CNTNAP2: variants seen among roughly 807,000 people sequenced by gnomAD.
CNTNAP2 encodes contactin associated protein 2.
CNTNAP2 carries 98 observed loss-of-function variants against 155.2 expected under a neutral mutation model. The ratio of observed to expected loss-of-function variants is 0.63; its 90% CI spans 0.54 to 0.75. CNTNAP2 has a LOEUF of 0.75. CNTNAP2 is among the 30% of genes least tolerant of loss of function. The pLI is 0.00. For synonymous variants in CNTNAP2, 651 were observed against 631.2 expected (o/e 1.03, Z -0.47); for missense variants, 1,727 against 1,688.1 (o/e 1.02, Z -0.40).
At chr7:146,778,121 C>T (rs1454816593) in intron 2 of CNTNAP2, among the ~76,000 whole-genome samples, 1 of 151,998 alleles carries the variant, frequency 6.6e-6, no homozygotes, top group Non-Finnish European at 1.5e-5. Context: ...AGAATGTAAC[C>T]TACTAATTAT....
intron 8 of CNTNAP2, among the ~76,000 whole-genome samples, chr7:147,283,456 A>G (rs1228194817): frequency 6.6e-6 from 1 of 151,850 alleles, no homozygotes; most frequent in African/African-American, 2.4e-5. Flanking sequence ...AACCAACTTT[A>G]AGCAATACGC....
chr7:148,260,803 A>G (rs1796545358), intron 20 of CNTNAP2, among the ~76,000 whole-genome samples: 1 of 152,184 alleles, frequency 6.6e-6, no homozygotes, highest in Non-Finnish European at 1.5e-5. Context: ...TTGACGTAGG[A>G]GAGACTAACA....
chr7:146,927,971 T>C (rs906667576), intron 3 of CNTNAP2, among the ~76,000 whole-genome samples: 1 of 149,178 alleles, frequency 6.7e-6, no homozygotes, highest in African/African-American at 2.4e-5. Flanking sequence ...TATATATATA[T>C]ATATATAAAT....
At chr7:146,863,482 C>T (rs1795144518) in intron 3 of CNTNAP2, among the ~76,000 whole-genome samples, 1 of 151,924 alleles carries the variant, frequency 6.6e-6, no homozygotes, top group South Asian at 2.1e-4. Flanking sequence ...ATGGTATTTC[C>T]ACAGTTAACT....
intron 3 of CNTNAP2, among the ~76,000 whole-genome samples, chr7:146,847,960 T>C (rs1794791042): frequency 6.6e-6 from 1 of 152,194 alleles, no homozygotes; most frequent in African/African-American, 2.4e-5. Context: ...AAATAACCCA[T>C]TTTTGTCTAC....
At position 146,588,187 on chromosome 7, in the gene CNTNAP2, AATTT is replaced by A. The variant is rs1191858722; in HGVS notation, c.98-186080_98-186077del. Among the ~76,000 whole-genome samples, 11 of 152,174 alleles carry A rather than the reference AATTT, an allele frequency of 7.2e-5. No homozygotes were observed. In the South Asian group the frequency reaches 2.3e-3, roughly 32 times the overall value. Reference sequence around the variant, plus strand: ...AGGTAGAGATTTTGGTGTGGTTTGTAATTTATTACACTTTGATTAAGGATGAGGT... The same window carrying A: ...AGGTAGAGATTTTGGTGTGGTTTGTAATTACACTTTGATTAAGGATGAGGT... On this transcript the variant is annotated intron_variant, in intron 1 of 23. Coordinates refer to ENST00000361727, the MANE Select transcript of CNTNAP2 (RefSeq NM_014141.6).
intron 21 of CNTNAP2, among the ~76,000 whole-genome samples, chr7:148,354,866 A>G (rs1798485268): frequency 6.6e-6 from 1 of 151,748 alleles, no homozygotes; most frequent in Non-Finnish European, 1.5e-5. Context: ...CACACACCCC[A>G]CCCTGGGCTC....
At chr7:148,308,302 A>G (rs1315448964) in intron 21 of CNTNAP2, among the ~76,000 whole-genome samples, 1 of 152,020 alleles carries the variant, frequency 6.6e-6, no homozygotes, top group Non-Finnish European at 1.5e-5. Context: ...TATAACATTA[A>G]TACATGTTCA....
At chr7:146,721,743 T>TATATATATTCTATATATAGTCTAC (rs1483083950) in intron 1 of CNTNAP2, among the ~76,000 whole-genome samples, 6 of 128,836 alleles carry the variant, frequency 4.7e-5, no homozygotes, top group East Asian at 2.1e-4. Flanking sequence ...ATATATTCTA[T>TATATATATTCTATATATAGTCTAC]ATATATATTC....
chr7:146,853,156 C>T (rs1212538287), intron 3 of CNTNAP2, among the ~76,000 whole-genome samples: 1 of 152,078 alleles, frequency 6.6e-6, no homozygotes, highest in Non-Finnish European at 1.5e-5. Context: ...GCAGGAATAT[C>T]CAATGAGTTT....
intron 1 of CNTNAP2, among the ~76,000 whole-genome samples, chr7:146,287,522 A>C (rs1463326077): frequency 6.6e-6 from 1 of 152,090 alleles, no homozygotes; most frequent in African/African-American, 2.4e-5. Flanking sequence ...CTTATTTTCC[A>C]ACTCATTCTT....
intron 1 of CNTNAP2, among the ~76,000 whole-genome samples, chr7:146,499,883 A>T (rs1797275370): frequency 6.6e-6 from 1 of 152,140 alleles, no homozygotes; most frequent in African/African-American, 2.4e-5. Context: ...GTCTTTAAAA[A>T]TTTCTTTTAG....
chr7:147,830,986 C>T (rs779014020), intron 13 of CNTNAP2, among the ~76,000 whole-genome samples: 1 of 152,140 alleles, frequency 6.6e-6, no homozygotes, highest in African/African-American at 2.4e-5. Flanking sequence ...ATTACCATAG[C>T]CTTGCTATCT....
At chr7:146,525,541 T>TATCTATCTATC in intron 1 of CNTNAP2, among the ~76,000 whole-genome samples, 1 of 136,838 alleles carries the variant, frequency 7.3e-6, no homozygotes, top group South Asian at 2.2e-4. Context: ...TTTATCTATC[T>TATCTATCTATC]ATCTATCTAT....
intron 3 of CNTNAP2, among the ~76,000 whole-genome samples, chr7:146,982,675 T>C (rs538398556): frequency 2.0e-5 from 3 of 152,150 alleles, no homozygotes; most frequent in Non-Finnish European, 4.4e-5. Context: ...AAGATACTTA[T>C]GTATCTTCTG....
intron 15 of CNTNAP2, among the ~76,000 whole-genome samples, chr7:148,093,719 A>G (rs1165804238): frequency 6.6e-6 from 1 of 152,162 alleles, no homozygotes; most frequent in Non-Finnish European, 1.5e-5. Flanking sequence ...ACCCACCATC[A>G]TAGAAAATTA....
At chr7:146,165,808 G>C (rs528898327) in intron 1 of CNTNAP2, among the ~76,000 whole-genome samples, 1 of 152,086 alleles carries the variant, frequency 6.6e-6, no homozygotes, top group Admixed American at 6.6e-5. Flanking sequence ...TTTCTTTTTG[G>C]ACCTAGCAGC....
chr7:147,754,918 G>A (rs1797193630), intron 13 of CNTNAP2, among the ~76,000 whole-genome samples: 1 of 152,142 alleles, frequency 6.6e-6, no homozygotes. Flanking sequence ...GTAATAAAAA[G>A]TTTTTTAAAA....
At chr7:147,652,808 T>G (rs1036210191) in intron 13 of CNTNAP2, among the ~76,000 whole-genome samples, 1 of 152,046 alleles carries the variant, frequency 6.6e-6, no homozygotes, top group African/African-American at 2.4e-5. Flanking sequence ...GTTAATCAGT[T>G]GGGGAATTTT....
Sources: allele counts gnomAD v4.1 joint callset (sites outside exome capture counted in the v4.1 genomes callset), GRCh38; gene constraint gnomAD v4.1.1; transcripts MANE v1.5; gene names NCBI Gene and HGNC (gene_info 2026-07-23, HGNC 2026-07-21).